The following RREB1 variants were observed in gnomAD, a reference collection of about 807,000 sequenced individuals.
RREB1 encodes ras-responsive element-binding protein 1.
In RREB1, 27 loss-of-function variants were observed where a neutral mutation model predicts 117.8. That is an observed-to-expected ratio of 0.23 (90% confidence interval 0.17 to 0.32). The LOEUF (loss-of-function observed/expected upper bound fraction) is 0.32, where lower values mean the gene tolerates loss of function less well. RREB1 is among the 10% of genes least tolerant of loss of function. The pLI is 1.00. For missense variants in RREB1, 2,577 were observed against 2,378.2 expected, an observed-to-expected ratio of 1.08 and a Z score of -1.74; for synonymous variants, 1,298 against 1,026.7, an observed-to-expected ratio of 1.26 and a Z score of -5.05.
At chr6:7,116,535 C>G (rs1761406276) in intron 1 of RREB1, among the ~76,000 whole-genome samples, 1 of 152,190 alleles carries the variant, frequency 6.6e-6, no homozygotes, top group Admixed American at 6.5e-5. Context: ...TTGGTGCTCA[C>G]TCACCACTGT....
intron 1 of RREB1, among the ~76,000 whole-genome samples, chr6:7,132,118 A>G (rs1347419755): frequency 6.6e-6 from 1 of 151,998 alleles, no homozygotes; most frequent in Admixed American, 6.6e-5. Context: ...ACAATGGTGC[A>G]ATCTCGGCTC....
At chr6:7,200,648 T>A (rs948722034) in intron 6 of RREB1, among the ~76,000 whole-genome samples, 4 of 152,250 alleles carry the variant, frequency 2.6e-5, no homozygotes, top group Non-Finnish European at 5.9e-5. Context: ...CTCTCTGAAT[T>A]GAATTGACCA....
In RREB1 at chr6:7,231,267, C is replaced by T. The variant is rs137943791; in HGVS notation, c.3168C>T (p.Pro1056=). 1.5e-4 allele frequency: 241 copies of T among 1,612,168 alleles called. 1 individual carries two copies. Among genetic ancestry groups the T allele is most frequent in the Admixed American group, 2.5e-4 (15 of 59,958 alleles). ...RPKPPLLLPK[P]PVTEELPPLA... ...AGCCCCCGCTGCTTTTGCCAAAGCC[C>T]CCCGTGACAGAAGAGCTGCCCCCGC... The change falls in exon 10 of 13, where the codon CCC becomes CCT. Residue 1056 remains proline, a synonymous_variant. Coordinates refer to ENST00000379938, the MANE Select transcript of RREB1 (RefSeq NM_001003699.4).
Position 7,231,775 on chromosome 6 carries a change from C to G in RREB1, c.3676C>G (p.Pro1226Ala), listed in dbSNP as rs770637203. 6.2e-7 allele frequency: 1 copy of G among 1,613,798 alleles called. No individual in the cohort carries two copies. The highest frequency in any genetic ancestry group is 2.2e-5 in the East Asian group (1 of 44,870). Residue 1226 changes from proline to alanine, a missense_variant, in exon 10 of 13, where the codon CCC (proline) becomes GCC (alanine). Transcript: ENST00000379938. ...GCCCAGTGATGAAGAGCAGGGCAGT[C>G]CCCCAGAAGACAAGCTGCTGAGGGC... ...HGPSDEEQGSPPEDKLLRAKR... is the reference protein window; with the variant it reads ...HGPSDEEQGSAPEDKLLRAKR...
At chr6:7,145,978 T>TCTCTCTCTTTCC (rs1762835962) in intron 1 of RREB1, among the ~76,000 whole-genome samples, 3 of 146,258 alleles carry the variant, frequency 2.1e-5, no homozygotes, top group African/African-American at 8.1e-5. Flanking sequence ...TCTCTCTTTC[T>TCTCTCTCTTTCC]CTCTCTCTCT....
chr6:7,237,480 G>C (rs1365107615), intron 10 of RREB1, among the ~76,000 whole-genome samples: 1 of 151,900 alleles, frequency 6.6e-6, no homozygotes. Context: ...CACCTCCGTT[G>C]GCCTCCCAAA....
chr6:7,115,157 A>G (rs565060047), intron 1 of RREB1, among the ~76,000 whole-genome samples: 1 of 152,222 alleles, frequency 6.6e-6, no homozygotes, highest in African/African-American at 2.4e-5. Flanking sequence ...CTGTCCATAC[A>G]TCTCCTCTTG....
chr6:7,211,848 T>G, intron 8 of RREB1, 139 bp downstream of exon 8: 1 of 936,954 alleles, frequency 1.1e-6, no homozygotes, highest in Non-Finnish European at 1.6e-6. Context: ...GTTAAGAAAG[T>G]ATCGGTGTGG....
At chr6:7,195,867 C>T (rs1210958115) in intron 6 of RREB1, among the ~76,000 whole-genome samples, 1 of 152,194 alleles carries the variant, frequency 6.6e-6, no homozygotes, top group Admixed American at 6.5e-5. Context: ...CTGACATGGC[C>T]CTGTGCTCTG....
Position 7,211,337 on chromosome 6 carries a change from CAGAT to C in RREB1, c.571-235_571-232del, listed in dbSNP as rs1239334496. ...GAGGGTGGGTGGATGGATGGATGGA[CAGAT>C]GGATGGATGGATGGATGGATGGATG... On this transcript the variant is annotated intron_variant, in intron 7 of 12. Transcript: ENST00000379938. Among the ~76,000 whole-genome samples, 352 of 54,726 alleles carry C rather than the reference CAGAT, an allele frequency of 6.4e-3. 9 individuals are homozygous for C. The East Asian group carries it at 0.12, about 19-fold the overall frequency. The allele number at this position is 54,726 out of a possible 152,430, so 35.9% of individuals were successfully genotyped here.
intron 1 of RREB1, among the ~76,000 whole-genome samples, chr6:7,110,528 C>T (rs1761092592): frequency 6.6e-6 from 1 of 151,388 alleles, no homozygotes; most frequent in South Asian, 2.1e-4. Context: ...TGGAGGGAGC[C>T]TTCTGGGTAC....
chr6:7,126,283 A>C (rs572154283), intron 1 of RREB1, among the ~76,000 whole-genome samples: 58 of 150,978 alleles, frequency 3.8e-4, no homozygotes, highest in African/African-American at 1.0e-3. Flanking sequence ...TACAGGCGTG[A>C]GCCACTGCGC....
At chr6:7,186,693 A>G (rs1288113272) in intron 4 of RREB1, among the ~76,000 whole-genome samples, 1 of 152,210 alleles carries the variant, frequency 6.6e-6, no homozygotes, top group Non-Finnish European at 1.5e-5. Flanking sequence ...TCTGAAAAAG[A>G]CAAAACATAC....
chr6:7,129,479 G>C (rs1402669780), intron 1 of RREB1, among the ~76,000 whole-genome samples: 1 of 152,222 alleles, frequency 6.6e-6, no homozygotes, highest in Non-Finnish European at 1.5e-5. Flanking sequence ...TTGGGTGACT[G>C]CCGTGGCTCA....
At chr6:7,236,258 A>C (rs530169522) in intron 10 of RREB1, among the ~76,000 whole-genome samples, 1 of 152,194 alleles carries the variant, frequency 6.6e-6, no homozygotes, top group Admixed American at 6.5e-5. Context: ...TCCTTGTCCC[A>C]CAGTGATGGG....
intron 1 of RREB1, among the ~76,000 whole-genome samples, chr6:7,174,067 C>G (rs969665508): frequency 5.9e-5 from 9 of 151,996 alleles, no homozygotes; most frequent in African/African-American, 1.7e-4. Flanking sequence ...TCCAGAAATT[C>G]AGCAGCCTCC....
intron 1 of RREB1, among the ~76,000 whole-genome samples, chr6:7,110,149 C>T (rs1761065357): frequency 6.6e-6 from 1 of 151,932 alleles, no homozygotes; most frequent in Non-Finnish European, 1.5e-5. Context: ...TGCATGTGTG[C>T]GAGTTGATTC....
rs753094592 is a variant in RREB1 at position 7,230,355 on chromosome 6, C to T, written c.2256C>T (p.Asp752=). ...TGGTGGACGCCTTCTGCGCCCCGGA[C>T]ACCGTGTGCCGGCTGTGCGGCGAGG... ...AELVDAFCAP[D]TVCRLCGEDL... is the part of the protein sequence containing the mutation. Residue 752 remains aspartate, a synonymous_variant, in exon 10 of 13, where the codon GAC becomes GAT. Transcript: ENST00000379938. 8.8e-6 allele frequency: 14 copies of T among 1,591,540 alleles called. No homozygotes were observed. The highest frequency in any genetic ancestry group is 7.7e-6 in the Non-Finnish European group (9 of 1,173,826).
chr6:7,196,217 CGTTTTTTTTTTTT>C (rs1353225598), intron 6 of RREB1, among the ~76,000 whole-genome samples: 87 of 109,726 alleles, frequency 7.9e-4, no homozygotes, highest in African/African-American at 2.0e-3. Flanking sequence ...TTTTTTTTTT[CGTTTTTTTTTTTT>C]GTTTTTTTTT....
Sources: allele counts gnomAD v4.1 joint callset (sites outside exome capture counted in the v4.1 genomes callset), GRCh38; gene constraint gnomAD v4.1.1; transcripts MANE v1.5; gene names NCBI Gene and HGNC (gene_info 2026-07-23, HGNC 2026-07-21).